PRKG1: variants seen among roughly 807,000 people sequenced by gnomAD.
PRKG1 encodes the protein protein kinase cGMP-dependent 1, also known as cGMP-dependent protein kinase 1.
Under a neutral mutation model 88.1 loss-of-function variants are expected in PRKG1, and 35 were observed. That is an observed-to-expected ratio of 0.40 (90% CI 0.30 to 0.53). PRKG1 has a LOEUF of 0.53. PRKG1 is among the 20% of genes least tolerant of loss of function. PRKG1 has a pLI of 0.59. For missense variants in PRKG1, 540 were observed against 839.8 expected (o/e 0.64, Z 4.41); for synonymous variants, 303 against 292.5 (o/e 1.04, Z -0.37).
chr10:51,892,141 A>G (rs1265653415), intron 4 of PRKG1, among the ~76,000 whole-genome samples: 1 of 152,210 alleles, frequency 6.6e-6, no homozygotes, highest in Non-Finnish European at 1.5e-5. Context: ...CAATACGTTA[A>G]TAGATATTCC....
intron 4 of PRKG1, among the ~76,000 whole-genome samples, chr10:51,869,209 T>C: frequency 6.6e-6 from 1 of 152,184 alleles, no homozygotes; most frequent in Non-Finnish European, 1.5e-5. Context: ...ATACCAACCG[T>C]ACTTCTCAGT....
chr10:51,404,235 A>C (rs1173551608), intron 2 of PRKG1, among the ~76,000 whole-genome samples: 1 of 152,246 alleles, frequency 6.6e-6, no homozygotes, highest in Non-Finnish European at 1.5e-5. Flanking sequence ...CACATGCTTA[A>C]CAAGTCCCAG....
chr10:51,970,720 AT>A (rs1176571632), intron 5 of PRKG1, among the ~76,000 whole-genome samples: 2 of 125,964 alleles, frequency 1.6e-5, no homozygotes, highest in Non-Finnish European at 3.1e-5. Flanking sequence ...TGATATATAT[AT>A]ATCAGATATA....
intron 2 of PRKG1, among the ~76,000 whole-genome samples, chr10:51,467,267 C>T (rs1315728025): frequency 5.3e-5 from 8 of 151,982 alleles, no homozygotes; most frequent in African/African-American, 1.9e-4. Context: ...AAAAAGATAC[C>T]ATGAGCAGAA....
Position 51,531,806 on chromosome 10 carries a change from G to A in PRKG1, c.592+63970G>A, listed in dbSNP as rs548313587. Among the ~76,000 whole-genome samples, 54 of 151,580 alleles carry A rather than the reference G, an allele frequency of 3.6e-4. 1 individual carries two copies. The highest frequency in any genetic ancestry group is 2.9e-3 in the South Asian group (14 of 4,780). ...ATTACAGGCTCCCGACACTGTGCCC[G>A]GCTAATTTTTGTATTTTTAGTAGAC... On this transcript the variant is annotated intron_variant, in intron 3 of 17. Transcript: ENST00000373980.
At chr10:51,843,093 CTTTTTT>C in intron 4 of PRKG1, among the ~76,000 whole-genome samples, 1 of 87,890 alleles carries the variant, frequency 1.1e-5, no homozygotes, top group East Asian at 3.4e-4. Context: ...GAAAATTATT[CTTTTTT>C]TTTTTTTTTT....
chr10:51,585,482 G>C (rs1474720168), intron 3 of PRKG1, among the ~76,000 whole-genome samples: 1 of 152,028 alleles, frequency 6.6e-6, no homozygotes, highest in Non-Finnish European at 1.5e-5. Context: ...ATTACCTACA[G>C]ATGGCTTAAA....
chr10:51,125,858 A>C (rs1457190328), intron 1 of PRKG1, among the ~76,000 whole-genome samples: 2 of 140,486 alleles, frequency 1.4e-5, no homozygotes, highest in South Asian at 4.2e-4. Flanking sequence ...ATATAATTAT[A>C]ACTATATAAT....
chr10:51,636,143 GAAGT>G (rs1166470177), intron 3 of PRKG1, among the ~76,000 whole-genome samples: 1 of 151,990 alleles, frequency 6.6e-6, no homozygotes, highest in African/African-American at 2.4e-5. Context: ...GTTTTTTTTA[GAAGT>G]AAGTGGAGTT....
chr10:51,767,728 T>C (rs1838204412), intron 3 of PRKG1, among the ~76,000 whole-genome samples: 2 of 152,150 alleles, frequency 1.3e-5, no homozygotes, highest in Admixed American at 6.5e-5. Flanking sequence ...ATCTCACAAA[T>C]CAGTAGTTCT....
At chr10:52,161,169 A>T (rs1838266041) in intron 8 of PRKG1, among the ~76,000 whole-genome samples, 1 of 152,060 alleles carries the variant, frequency 6.6e-6, no homozygotes, top group Admixed American at 6.6e-5. Flanking sequence ...TGGCGCTATA[A>T]TATTTACAAT....
chr10:51,639,686 C>G (rs975728769), intron 3 of PRKG1, among the ~76,000 whole-genome samples: 6 of 150,830 alleles, frequency 4.0e-5, no homozygotes, highest in Non-Finnish European at 8.9e-5. Context: ...AGTCCATATA[C>G]AGATTTATAT....
At chr10:51,126,470 A>G (rs1271139396) in intron 1 of PRKG1, among the ~76,000 whole-genome samples, 1 of 138,832 alleles carries the variant, frequency 7.2e-6, no homozygotes, top group Non-Finnish European at 1.6e-5. Context: ...TTTATTTATA[A>G]TTATATAATC....
chr10:51,020,567 T>G (rs1843122293), intron 1 of PRKG1, among the ~76,000 whole-genome samples: 1 of 152,156 alleles, frequency 6.6e-6, no homozygotes, highest in African/African-American at 2.4e-5. Context: ...AATATGAAAA[T>G]ATACTAAAAC....
intron 4 of PRKG1, among the ~76,000 whole-genome samples, chr10:51,823,354 C>A (rs1839797729): frequency 6.6e-6 from 1 of 152,088 alleles, no homozygotes; most frequent in South Asian, 2.1e-4. Context: ...TAAATTATAT[C>A]CATTGCTTCT....
chr10:51,826,787 A>G (rs1408777979), intron 4 of PRKG1, among the ~76,000 whole-genome samples: 1 of 152,172 alleles, frequency 6.6e-6, no homozygotes, highest in Admixed American at 6.6e-5. Context: ...CCTGTTAATC[A>G]TCAAGAAAGG....
At chr10:51,951,920 TAATAGTTCATGCCACATC>T (rs1160535528) in intron 5 of PRKG1, among the ~76,000 whole-genome samples, 2 of 152,070 alleles carry the variant, frequency 1.3e-5, no homozygotes, top group Non-Finnish European at 2.9e-5. Flanking sequence ...AAAAGAAGAG[TAATAGTTCATGCCACATC>T]AATATTATAT....
chr10:51,875,005 T>C (rs1029005919), intron 4 of PRKG1, among the ~76,000 whole-genome samples: 1 of 152,166 alleles, frequency 6.6e-6, no homozygotes, highest in Non-Finnish European at 1.5e-5. Flanking sequence ...ACCTTACAAA[T>C]GAGATATTTC....
chr10:51,810,197 GT>G (rs1407903527), intron 4 of PRKG1, among the ~76,000 whole-genome samples: 1 of 152,090 alleles, frequency 6.6e-6, no homozygotes, highest in Non-Finnish European at 1.5e-5. Flanking sequence ...ACAAATAATT[GT>G]AAAGTTCACA....
Sources: gnomAD v4.1 joint callset for allele counts (sites outside exome capture counted in the v4.1 genomes callset) on GRCh38, gnomAD v4.1.1 for gene constraint, MANE v1.5 for transcripts, NCBI Gene and HGNC (gene_info 2026-07-23, HGNC 2026-07-21) for gene names.